RARB: variants seen among roughly 807,000 people sequenced by gnomAD.
RARB encodes the protein retinoic acid receptor beta, also known as HBV-activated protein.
Under a neutral mutation model 51.9 loss-of-function variants are expected in RARB, and 17 were observed. The observed-to-expected ratio is 0.33, with a 90% confidence interval of 0.22 to 0.49. The LOEUF (loss-of-function observed/expected upper bound fraction) is 0.49, where lower values mean the gene tolerates loss of function less well. Among genes scored for constraint, RARB ranks in the 20% least tolerant of loss-of-function variants. RARB has a pLI of 0.99. For synonymous variants in RARB, 215 were observed against 195.4 expected, an observed-to-expected ratio of 1.10 and a Z score of -0.84; for missense variants, 369 against 550.8, an observed-to-expected ratio of 0.67 and a Z score of 3.30.
In RARB at chr3:25,346,975, C is replaced by T. The variant is rs188305493; in HGVS notation, c.179-114218C>T. ...ATGAGTAGTCTTCCATGTAGGTATACAAACTCTAACGAGTGTTGTGAAGAG... is the reference window on the plus strand; with the variant it reads ...ATGAGTAGTCTTCCATGTAGGTATATAAACTCTAACGAGTGTTGTGAAGAG... On this transcript the variant is annotated intron_variant, in intron 5 of 11. Coordinates refer to the RARB transcript ENST00000383772. 3.3e-5 allele frequency among the ~76,000 whole-genome samples: 5 copies of T among 152,172 alleles called. No individual in the cohort carries two copies. The South Asian group carries it at 1.0e-3, about 32-fold the overall frequency.
chr3:25,420,345 C>G (rs6778608), intron 5 of RARB, among the ~76,000 whole-genome samples: 1 of 152,120 alleles, frequency 6.6e-6, no homozygotes, highest in Admixed American at 6.5e-5. Context: ...AAGGAAATTC[C>G]TTTGGGCTTT....
chr3:25,257,850 A>G (rs112319011), intron 5 of RARB, among the ~76,000 whole-genome samples: 60 of 152,104 alleles, frequency 3.9e-4, no homozygotes, highest in African/African-American at 1.3e-3. Context: ...CCCAAATACC[A>G]TCCGACATTC....
intron 5 of RARB, among the ~76,000 whole-genome samples, chr3:25,346,589 G>T (rs551485808): frequency 1.3e-5 from 2 of 152,268 alleles, no homozygotes; most frequent in South Asian, 4.2e-4. Context: ...GCTGATGTGG[G>T]ACATCACTTA....
At chr3:25,386,809 C>G (rs1706808432) in intron 5 of RARB, among the ~76,000 whole-genome samples, 1 of 152,180 alleles carries the variant, frequency 6.6e-6, no homozygotes, top group Non-Finnish European at 1.5e-5. Context: ...GTGTCACCGC[C>G]CTTGGGCTGC....
intron 2 of RARB, among the ~76,000 whole-genome samples, chr3:25,049,380 G>C (rs905051400): frequency 5.3e-5 from 8 of 152,294 alleles, no homozygotes; most frequent in Non-Finnish European, 7.4e-5. Flanking sequence ...ATCGATTTAG[G>C]GTTCTAGGAA....
chr3:25,038,498 T>C (rs961207366), intron 2 of RARB, among the ~76,000 whole-genome samples: 5 of 152,258 alleles, frequency 3.3e-5, no homozygotes, highest in African/African-American at 1.2e-4. Context: ...TTGTTAGAGC[T>C]GTAATATATA....
intron 2 of RARB, among the ~76,000 whole-genome samples, chr3:25,005,765 G>A (rs189397756): frequency 3.6e-4 from 55 of 152,194 alleles, no homozygotes; most frequent in African/African-American, 1.2e-3. Flanking sequence ...CGCTCCTCCT[G>A]GTCTTGTCCC....
chr3:25,587,630 C>A (rs1003217906), intron 5 of RARB, among the ~76,000 whole-genome samples: 2 of 152,212 alleles, frequency 1.3e-5, no homozygotes, highest in African/African-American at 4.8e-5. Flanking sequence ...TCGGTTAAGG[C>A]AGGCTGGCTA....
At chr3:25,480,694 T>C (rs1223532631) in intron 2 of RARB, among the ~76,000 whole-genome samples, 2 of 152,228 alleles carry the variant, frequency 1.3e-5, no homozygotes, top group African/African-American at 2.4e-5. Context: ...TTTTTTCTTA[T>C]TAGAGTTAAT....
chr3:24,866,497 A>G (rs1019908263), intron 2 of RARB, among the ~76,000 whole-genome samples: 2 of 152,172 alleles, frequency 1.3e-5, no homozygotes, highest in Non-Finnish European at 2.9e-5. Context: ...GATGAATTCC[A>G]GCATGCCACA....
intron 4 of RARB, among the ~76,000 whole-genome samples, chr3:25,149,708 G>GT (rs1172070171): frequency 2.0e-5 from 3 of 152,062 alleles, no homozygotes; most frequent in African/African-American, 7.2e-5. Flanking sequence ...CATGTATAAC[G>GT]TACCCTGTCT....
At chr3:25,210,122 A>G (rs1329673382) in intron 5 of RARB, among the ~76,000 whole-genome samples, 2 of 152,138 alleles carry the variant, frequency 1.3e-5, no homozygotes, top group Non-Finnish European at 2.9e-5. Flanking sequence ...TCAGATTATC[A>G]ATTTAAGACA....
intron 2 of RARB, among the ~76,000 whole-genome samples, chr3:25,475,800 G>C (rs113310200): frequency 1.3e-5 from 2 of 152,306 alleles, no homozygotes; most frequent in East Asian, 3.9e-4. Flanking sequence ...AATGCATCTG[G>C]CATTTGTTAC....
At chr3:24,876,940 A>C (rs963427963) in intron 2 of RARB, among the ~76,000 whole-genome samples, 2 of 152,190 alleles carry the variant, frequency 1.3e-5, no homozygotes, top group African/African-American at 4.8e-5. Flanking sequence ...AAGAAAAATC[A>C]TTTTATTAAT....
At chr3:25,561,142 C>T (rs908184360) in intron 3 of RARB, among the ~76,000 whole-genome samples, 1 of 152,112 alleles carries the variant, frequency 6.6e-6, no homozygotes, top group Non-Finnish European at 1.5e-5. Context: ...ATCCCAGGGT[C>T]CTTCCATTTG....
At chr3:24,944,126 T>C (rs1695725707) in intron 2 of RARB, among the ~76,000 whole-genome samples, 1 of 152,192 alleles carries the variant, frequency 6.6e-6, no homozygotes, top group South Asian at 2.1e-4. Context: ...TACTGGATAT[T>C]ATGAAGCCCT....
At chr3:25,205,688 A>T (rs767583985) in intron 5 of RARB, among the ~76,000 whole-genome samples, 1 of 152,208 alleles carries the variant, frequency 6.6e-6, no homozygotes, top group Non-Finnish European at 1.5e-5. Context: ...GTGCCTCATA[A>T]ATATGTGCAT....
At chr3:25,204,072 G>A (rs894865472) in intron 5 of RARB, among the ~76,000 whole-genome samples, 1 of 152,188 alleles carries the variant, frequency 6.6e-6, no homozygotes, top group African/African-American at 2.4e-5. Flanking sequence ...ACACCAATCA[G>A]ATGTAGATTT....
intron 3 of RARB, among the ~76,000 whole-genome samples, chr3:25,560,772 A>T (rs1473788344): frequency 3.9e-5 from 6 of 152,064 alleles, no homozygotes; most frequent in Admixed American, 3.9e-4. Context: ...TTCACATCTC[A>T]AAGCTTTTGT....
Sources: gnomAD v4.1 joint callset for allele counts (sites outside exome capture counted in the v4.1 genomes callset) on GRCh38, gnomAD v4.1.1 for gene constraint, MANE v1.5 for transcripts, NCBI Gene and HGNC (gene_info 2026-07-23, HGNC 2026-07-21) for gene names.